Variants in MECOM observed in about 807,000 individuals in gnomAD.
The protein encoded by MECOM is histone-lysine N-methyltransferase MECOM.
Under a neutral mutation model 116.3 loss-of-function variants are expected in MECOM, and 13 were observed. The ratio of observed to expected loss-of-function variants is 0.11; its 90% CI spans 0.07 to 0.18. The LOEUF is 0.18. MECOM is among the 10% of genes least tolerant of loss of function. The probability of loss-of-function intolerance (pLI) is 1.00; values close to 1 mark genes in which losing one functional copy is unlikely to be tolerated. For synonymous variants in MECOM, 528 were observed against 535.2 expected (o/e 0.99, Z 0.19); for missense variants, 1,299 against 1,509.0 (o/e 0.86, Z 2.31).
chr3:169,378,147 G>A (rs1421300219), intron 2 of MECOM, among the ~76,000 whole-genome samples: 1 of 150,998 alleles, frequency 6.6e-6, no homozygotes, highest in East Asian at 2.0e-4. Flanking sequence ...AGAGAGAGGG[G>A]AGCATCACAC....
intron 2 of MECOM, among the ~76,000 whole-genome samples, chr3:169,321,741 G>A (rs1323908832): frequency 6.6e-6 from 1 of 152,120 alleles, no homozygotes; most frequent in African/African-American, 2.4e-5. Context: ...CTTAAGGGAG[G>A]AGGTCAAACA....
chr3:169,148,028 T>A (rs1014787379), intron 2 of MECOM, among the ~76,000 whole-genome samples: 4 of 150,986 alleles, frequency 2.6e-5, no homozygotes, highest in East Asian at 1.9e-4. Context: ...TAAAAAAAAT[T>A]TTTTTAATTG....
rs200073118 is a variant in MECOM at position 169,084,974 on chromosome 3, C to T, written c.3655G>A (p.Val1219Met). The T allele has an allele frequency of 1.5e-5, 24 of 1,613,952 alleles. No homozygotes were observed. Among genetic ancestry groups the T allele is most frequent in the Admixed American group, 1.3e-4 (8 of 59,998 alleles). ...LHSTSHSSSN[V>M]WHSMARAAAE... Reference sequence around the variant, plus strand: ...GCAGCCCTGGCCATACTGTGCCACACGTTGGAAGAACTGTGGGATGTAGAA... The same window carrying T: ...GCAGCCCTGGCCATACTGTGCCACATGTTGGAAGAACTGTGGGATGTAGAA... Residue 1219 changes from valine (V) to methionine (M), a missense_variant, in exon 17 of 17, where the codon GTG becomes ATG. Val to Met is a conservative substitution (Grantham distance 21, BLOSUM62 1). This residue lies in a region of MECOM where 273 missense variants were observed against 289.3 expected (regional missense o/e 0.94). Transcript: ENST00000651503.
intron 1 of MECOM, among the ~76,000 whole-genome samples, chr3:169,392,214 T>C (rs1000220615): frequency 1.3e-5 from 2 of 151,930 alleles, no homozygotes; most frequent in East Asian, 1.9e-4. Context: ...TTTGCACTGG[T>C]TGATAAAGTT....
chr3:169,391,620 T>A (rs1398293152), intron 1 of MECOM, among the ~76,000 whole-genome samples: 2 of 152,186 alleles, frequency 1.3e-5, no homozygotes, highest in Non-Finnish European at 2.9e-5. Flanking sequence ...TTAAAAATGT[T>A]TGCAGAAAAA....
At chr3:169,349,470 G>A (rs1371772624) in intron 2 of MECOM, among the ~76,000 whole-genome samples, 2 of 151,832 alleles carry the variant, frequency 1.3e-5, no homozygotes, top group African/African-American at 4.8e-5. Context: ...GAGGTTCTGT[G>A]GCATTTGCTT....
In MECOM at chr3:169,267,656, T is replaced by C. The variant is rs115610849; in HGVS notation, c.375+113531A>G. Among the ~76,000 whole-genome samples the C allele has an allele frequency of 5.5e-3, 837 of 152,286 alleles. 5 individuals carry two copies. Among genetic ancestry groups the C allele is most frequent in the African/African-American group, 0.019 (799 of 41,550 alleles). On this transcript the variant is annotated intron_variant, in intron 2 of 16. Transcript: ENST00000651503. ...TGATTGAAGTAATGCTACATTTGAC[T>C]GGAAAAGGGCCTCCCTTCTGTGTTC...
chr3:169,102,649 T>C (rs1576919476), intron 10 of MECOM, among the ~76,000 whole-genome samples: 1 of 152,038 alleles, frequency 6.6e-6, no homozygotes, highest in South Asian at 2.1e-4. Flanking sequence ...GTAAGAACCA[T>C]GCAGTCCCAA....
intron 7 of MECOM, 149 bp from the exon 8 acceptor site, chr3:169,116,888 A>C: frequency 1.0e-6 from 1 of 955,052 alleles, no homozygotes; most frequent in Non-Finnish European, 1.5e-6. Context: ...AACACAGAAA[A>C]CCCCATTTCA....
chr3:169,408,992 A>G (rs1194143191), intron 1 of MECOM, among the ~76,000 whole-genome samples: 2 of 152,206 alleles, frequency 1.3e-5, no homozygotes, highest in Non-Finnish European at 2.9e-5. Context: ...ACATATATTA[A>G]ATAATAAACT....
chr3:169,483,887 A>C, intron 1 of MECOM: 1 of 1,610,396 alleles, frequency 6.2e-7, no homozygotes, highest in Non-Finnish European at 8.5e-7. Flanking sequence ...CCACCCCTCC[A>C]CCAAGGTTCC....
intron 1 of MECOM, among the ~76,000 whole-genome samples, chr3:169,415,024 T>C (rs2108474769): frequency 6.6e-6 from 1 of 152,164 alleles, no homozygotes; most frequent in East Asian, 1.9e-4. Context: ...ATTCAGGAAA[T>C]ACAGAGAACA....
chr3:169,267,782 A>G (rs1758493367), intron 2 of MECOM, among the ~76,000 whole-genome samples: 2 of 152,102 alleles, frequency 1.3e-5, no homozygotes, highest in Non-Finnish European at 1.5e-5. Flanking sequence ...TCAGAGTCCA[A>G]CAGTTGCTTT....
chr3:169,177,197 C>T (rs917546045), intron 2 of MECOM, among the ~76,000 whole-genome samples: 2 of 152,122 alleles, frequency 1.3e-5, no homozygotes, highest in Non-Finnish European at 2.9e-5. Context: ...TTTACAATAG[C>T]AAAGTCATGG....
intron 1 of MECOM, among the ~76,000 whole-genome samples, chr3:169,404,163 AT>A (rs929599887): frequency 6.6e-6 from 1 of 152,124 alleles, no homozygotes; most frequent in Non-Finnish European, 1.5e-5. Context: ...GAGTTTTAAA[AT>A]TTTTTTAAAT....
chr3:169,274,839 T>G (rs1759394338), intron 2 of MECOM, among the ~76,000 whole-genome samples: 1 of 152,224 alleles, frequency 6.6e-6, no homozygotes, highest in Non-Finnish European at 1.5e-5. Flanking sequence ...TGCTGAAAGT[T>G]CTATTGGGCA....
chr3:169,484,215 G>T, intron 1 of MECOM: 1 of 577,168 alleles, frequency 1.7e-6, no homozygotes, highest in South Asian at 2.2e-5. Context: ...GTAAATATGT[G>T]AATGTTTATA....
chr3:169,189,083 T>A (rs1747166045), intron 2 of MECOM, among the ~76,000 whole-genome samples: 1 of 152,092 alleles, frequency 6.6e-6, no homozygotes, highest in African/African-American at 2.4e-5. Flanking sequence ...ATGACTCGCA[T>A]GATCCTAGAA....
chr3:169,222,119 G>A (rs1198501565), intron 2 of MECOM, among the ~76,000 whole-genome samples: 1 of 152,174 alleles, frequency 6.6e-6, no homozygotes, highest in East Asian at 1.9e-4. Flanking sequence ...CACAGACAGA[G>A]AACATTCCCA....
Sources: gnomAD v4.1 joint callset for allele counts (sites outside exome capture counted in the v4.1 genomes callset) on GRCh38, gnomAD v4.1.1 for gene constraint, gnomAD v4.1.1 regional missense constraint, MANE v1.5 for transcripts, NCBI Gene and HGNC (gene_info 2026-07-23, HGNC 2026-07-21) for gene names.